The following POU2F1 variants were observed in gnomAD, a reference collection of about 807,000 sequenced individuals.
The protein encoded by POU2F1 is POU class 2 homeobox 1.
A neutral mutation model predicts 84.9 loss-of-function variants in POU2F1; 16 were observed. That is an observed-to-expected ratio of 0.19 (90% CI 0.13 to 0.29). POU2F1 has a LOEUF of 0.29. POU2F1 is among the 10% of genes least tolerant of loss of function. The pLI is 1.00. For synonymous variants in POU2F1, 368 were observed against 368.3 expected (o/e 1.00, Z 0.01); for missense variants, 738 against 942.6 (o/e 0.78, Z 2.84).
chr1:167,387,227 C>G (rs902891254), intron 8 of POU2F1: 2 of 456,028 alleles, frequency 4.4e-6, no homozygotes, highest in Admixed American at 4.7e-5. Context: ...GGTAACTTAT[C>G]TGTAACCACC....
chr1:167,272,707 CT>C (rs1652462000), intron 1 of POU2F1, among the ~76,000 whole-genome samples: 1 of 152,156 alleles, frequency 6.6e-6, no homozygotes, highest in African/African-American at 2.4e-5. Context: ...CCCCCATGAT[CT>C]AGTCACCTCC....
chr1:167,404,410 G>T (rs1571454013), intron 13 of POU2F1, among the ~76,000 whole-genome samples: 2 of 152,150 alleles, frequency 1.3e-5, no homozygotes, highest in Non-Finnish European at 2.9e-5. Flanking sequence ...AGCTGTGAAT[G>T]TGAATAAAGA....
At position 167,406,037 on chromosome 1, in the gene POU2F1, G is replaced by C. The variant is rs552513990; in HGVS notation, c.1555+4481G>C. ...TTTCCTATCAGGCCGGTATTACCCA[G>C]ATACCTAAGCTTAGATAAATAGCAC... is the stretch of plus-strand genomic sequence containing the variant. On this transcript the variant is annotated intron_variant, in intron 13 of 15. Coordinates refer to ENST00000367866, the MANE Select transcript of POU2F1 (RefSeq NM_002697.4). Among the ~76,000 whole-genome samples, 3 of 151,238 alleles carry C rather than the reference G, an allele frequency of 2.0e-5. No homozygotes were observed. In the South Asian group the frequency reaches 6.4e-4, roughly 32 times the overall value.
intron 5 of POU2F1, among the ~76,000 whole-genome samples, chr1:167,373,596 A>G (rs1025129773): frequency 2.6e-5 from 4 of 152,220 alleles, no homozygotes; most frequent in Non-Finnish European, 4.4e-5. Flanking sequence ...AGGGGCCTGT[A>G]GGGAGACTTG....
intron 8 of POU2F1, among the ~76,000 whole-genome samples, chr1:167,384,171 G>A (rs576281212): frequency 6.6e-6 from 1 of 152,240 alleles, no homozygotes; most frequent in East Asian, 1.9e-4. Flanking sequence ...AAGAATAACT[G>A]CATTAGCAGT....
intron 1 of POU2F1, among the ~76,000 whole-genome samples, chr1:167,240,440 G>A (rs985665063): frequency 2.0e-5 from 3 of 152,254 alleles, no homozygotes; most frequent in South Asian, 2.1e-4. Flanking sequence ...TTGAGGAAGC[G>A]TATTTTATAT....
At chr1:167,332,731 C>CAA (rs1657159193) in intron 2 of POU2F1, among the ~76,000 whole-genome samples, 196 bp downstream of exon 2, 1 of 152,156 alleles carries the variant, frequency 6.6e-6, no homozygotes, top group Admixed American at 6.5e-5. Context: ...CAGGCAGCTT[C>CAA]GTTGTTTTGC....
In POU2F1 at chr1:167,299,026, G is replaced by A. The variant is rs929880178; in HGVS notation, c.62-33444G>A. Reference sequence around the variant, plus strand: ...TAAAAATACAAAATTAGCTGGGCATGGTGGCAGGTGCCTGTAATCCCAGCT... The same window carrying A: ...TAAAAATACAAAATTAGCTGGGCATAGTGGCAGGTGCCTGTAATCCCAGCT... On this transcript the variant is annotated intron_variant, in intron 1 of 15. Coordinates refer to ENST00000367866, the MANE Select transcript of POU2F1 (RefSeq NM_002697.4). Among the ~76,000 whole-genome samples, 4 of 152,248 alleles carry A rather than the reference G, an allele frequency of 2.6e-5. No individual in the cohort carries two copies. The South Asian group carries it at 8.3e-4, about 32-fold the overall frequency.
intron 2 of POU2F1, among the ~76,000 whole-genome samples, chr1:167,358,715 G>GATTTTTTTTTTTTTTT (rs1557923742): frequency 4.8e-5 from 2 of 41,584 alleles, no homozygotes; most frequent in African/African-American, 1.6e-4. Flanking sequence ...ATTATCTGCA[G>GATTTTTTTTTTTTTTT]CTTTTTTTTT....
chr1:167,302,591 A>G (rs976393433), intron 1 of POU2F1, among the ~76,000 whole-genome samples: 1 of 152,166 alleles, frequency 6.6e-6, no homozygotes, highest in Admixed American at 6.5e-5. Context: ...TTTGAACTGC[A>G]TTTGATTTTG....
rs1187645243 is a variant in POU2F1, at chr1:167,295,359, C to T, written c.62-37111C>T. Among the ~76,000 whole-genome samples, 4 of 152,130 alleles carry T rather than the reference C, an allele frequency of 2.6e-5. No homozygotes were observed. The East Asian group carries it at 7.7e-4, about 29-fold the overall frequency. On this transcript the variant is annotated intron_variant, in intron 1 of 15. Transcript: ENST00000367866. ...AATACTACTCAGCCATAAAAAGGAA[C>T]AAAATAATGTCTTTTGCAGCAACTT...
chr1:167,337,393 C>T (rs1033768301), intron 2 of POU2F1, among the ~76,000 whole-genome samples: 1 of 151,736 alleles, frequency 6.6e-6, no homozygotes, highest in Admixed American at 6.6e-5. Flanking sequence ...GAAAGACATA[C>T]CTTTGGACTC....
intron 1 of POU2F1, among the ~76,000 whole-genome samples, chr1:167,277,298 G>T (rs965391794): frequency 1.1e-4 from 16 of 151,706 alleles, no homozygotes; most frequent in Admixed American, 2.0e-4. Flanking sequence ...GTGCAGTGGC[G>T]CAATCATAGC....
intron 1 of POU2F1, among the ~76,000 whole-genome samples, chr1:167,259,639 C>G (rs966144475): frequency 6.6e-6 from 1 of 151,970 alleles, no homozygotes; most frequent in Non-Finnish European, 1.5e-5. Context: ...ATATGTAAGC[C>G]TAGAAGTGGA....
intron 1 of POU2F1, among the ~76,000 whole-genome samples, chr1:167,282,227 C>T (rs944100876): frequency 2.6e-5 from 4 of 151,912 alleles, no homozygotes; most frequent in African/African-American, 9.7e-5. Flanking sequence ...ACTGCAAGCT[C>T]CACCTCCCCA....
At chr1:167,291,130 C>T (rs1002479383) in intron 1 of POU2F1, among the ~76,000 whole-genome samples, 31 of 151,830 alleles carry the variant, frequency 2.0e-4, no homozygotes, top group African/African-American at 6.3e-4. Context: ...GAAGAACACT[C>T]ATCTGAACTA....
At chr1:167,264,742 A>T (rs554808077) in intron 1 of POU2F1, among the ~76,000 whole-genome samples, 29 of 152,154 alleles carry the variant, frequency 1.9e-4, no homozygotes, top group East Asian at 7.7e-4. Flanking sequence ...AAATTTTTTT[A>T]AAAAAATTTA....
chr1:167,353,393 C>T (rs968190908), intron 2 of POU2F1, among the ~76,000 whole-genome samples: 50 of 151,574 alleles, frequency 3.3e-4, no homozygotes, highest in African/African-American at 1.2e-3. Flanking sequence ...CTCTCTTTAC[C>T]CCCACCGCCT....
Position 167,357,801 on chromosome 1 carries a change from ATT to A in POU2F1, c.128-7646_128-7645del, listed in dbSNP as rs71572451. Among the ~76,000 whole-genome samples, 660 of 119,174 alleles carry A rather than the reference ATT, an allele frequency of 5.5e-3. 4 individuals carry two copies. The highest frequency in any genetic ancestry group is 0.02 in the African/African-American group (590 of 29,432). The allele number at this position is 119,174 out of a possible 152,430, so 78.2% of individuals were successfully genotyped here. A position where few individuals can be genotyped will look rare whatever the true frequency, so the allele number is the denominator to read the frequency against. ...TGAACTTGGTGAATCTTATTAATTG[ATT>A]TTTTTTTTTTTTTTTTTTTGAGACA... On this transcript the variant is annotated intron_variant, in intron 2 of 15. Coordinates refer to ENST00000367866, the MANE Select transcript of POU2F1 (RefSeq NM_002697.4).
Sources: allele counts gnomAD v4.1 joint callset (sites outside exome capture counted in the v4.1 genomes callset), GRCh38; gene constraint gnomAD v4.1.1; transcripts MANE v1.5; gene names NCBI Gene and HGNC (gene_info 2026-07-23, HGNC 2026-07-21).